The following ANKS1B variants were observed in gnomAD, a reference collection of about 807,000 sequenced individuals.
ANKS1B encodes ankyrin repeat and sterile alpha motif domain-containing protein 1B.
ANKS1B carries 36 observed loss-of-function variants against 148.3 expected under a neutral mutation model. The observed-to-expected ratio is 0.24, with a 90% CI of 0.19 to 0.32. The LOEUF (loss-of-function observed/expected upper bound fraction) is 0.32. Among genes scored for constraint, ANKS1B ranks in the 10% least tolerant of loss-of-function variants. ANKS1B has a pLI of 1.00. For synonymous variants in ANKS1B, 542 were observed against 560.8 expected, an observed-to-expected ratio of 0.97 and a Z score of 0.47; for missense variants, 1,157 against 1,542.6, an observed-to-expected ratio of 0.75 and a Z score of 4.19.
chr12:99,926,639 C>T (rs2094483603), intron 1 of ANKS1B, among the ~76,000 whole-genome samples: 1 of 152,168 alleles, frequency 6.6e-6, no homozygotes, highest in Non-Finnish European at 1.5e-5. Context: ...ACTTGTCAGC[C>T]TCCATAATCA....
At chr12:99,567,958 T>C (rs2097414176) in intron 9 of ANKS1B, among the ~76,000 whole-genome samples, 1 of 152,176 alleles carries the variant, frequency 6.6e-6, no homozygotes, top group Admixed American at 6.5e-5. Context: ...CCTTCCACTG[T>C]GAGGTTTTCA....
intron 22 of ANKS1B, chr12:98,794,721 T>C (rs2098931853): frequency 1.0e-6 from 1 of 964,626 alleles, no homozygotes; most frequent in Non-Finnish European, 1.7e-6. Context: ...AATGAACCTA[T>C]CAAATACCAG....
At chr12:98,865,513 A>T (rs1261249784) in intron 17 of ANKS1B, among the ~76,000 whole-genome samples, 2 of 152,196 alleles carry the variant, frequency 1.3e-5, no homozygotes, top group African/African-American at 4.8e-5. Context: ...TCCTGCCCTC[A>T]TGGAGCTTAT....
At chr12:99,249,616 A>T (rs576384825) in intron 12 of ANKS1B, among the ~76,000 whole-genome samples, 10 of 152,286 alleles carry the variant, frequency 6.6e-5, no homozygotes, top group Middle Eastern at 3.4e-3. Context: ...AGAAAAGGAG[A>T]AGTTGATATG....
intron 9 of ANKS1B, among the ~76,000 whole-genome samples, chr12:99,637,613 C>A (rs1041996549): frequency 6.6e-6 from 1 of 151,960 alleles, no homozygotes; most frequent in Admixed American, 6.6e-5. Context: ...AAAGAATATG[C>A]TGGCTTAGCC....
At chr12:98,990,844 C>T (rs1199618331) in intron 17 of ANKS1B, among the ~76,000 whole-genome samples, 2 of 152,276 alleles carry the variant, frequency 1.3e-5, no homozygotes, top group Middle Eastern at 3.4e-3. Flanking sequence ...GTGACATAAC[C>T]GGTTTGGGAC....
chr12:99,132,120 G>A (rs1211833872), intron 15 of ANKS1B, among the ~76,000 whole-genome samples: 1 of 152,102 alleles, frequency 6.6e-6, no homozygotes, highest in African/African-American at 2.4e-5. Context: ...GAAAATGTTG[G>A]TGGGAAGCAA....
chr12:99,311,083 G>A (rs1268207682), intron 12 of ANKS1B, among the ~76,000 whole-genome samples: 2 of 152,180 alleles, frequency 1.3e-5, no homozygotes, highest in African/African-American at 4.8e-5. Context: ...TTACTGTGTG[G>A]TTGCTGTTGT....
intron 19 of ANKS1B, among the ~76,000 whole-genome samples, chr12:98,817,017 CTT>C (rs2099147136): frequency 6.6e-6 from 1 of 151,690 alleles, no homozygotes; most frequent in South Asian, 2.1e-4. Context: ...GAAAAAAAGA[CTT>C]TTTCTCTGTT....
intron 8 of ANKS1B, among the ~76,000 whole-genome samples, chr12:99,692,101 T>A (rs1288646425): frequency 1.3e-5 from 2 of 152,176 alleles, no homozygotes; most frequent in Non-Finnish European, 2.9e-5. Flanking sequence ...TAATTTTGCT[T>A]GTTAAGTATA....
At chr12:99,470,256 T>C (rs1377305462) in intron 10 of ANKS1B, among the ~76,000 whole-genome samples, 1 of 152,122 alleles carries the variant, frequency 6.6e-6, no homozygotes, top group Non-Finnish European at 1.5e-5. Flanking sequence ...GTATGAGCTA[T>C]GGAAATTATT....
At chr12:99,817,718 G>A (rs1348526348) in intron 2 of ANKS1B, among the ~76,000 whole-genome samples, 1 of 151,782 alleles carries the variant, frequency 6.6e-6, no homozygotes, top group Non-Finnish European at 1.5e-5. Flanking sequence ...TAACTGAGGT[G>A]AGATGATACT....
chr12:99,654,530 A>G (rs997367216), intron 9 of ANKS1B, among the ~76,000 whole-genome samples: 3 of 152,196 alleles, frequency 2.0e-5, no homozygotes, highest in African/African-American at 7.2e-5. Flanking sequence ...TGAAGGTGAT[A>G]CTACAGATTT....
At chr12:99,160,002 T>G (rs2076478968) in intron 14 of ANKS1B, among the ~76,000 whole-genome samples, 1 of 152,220 alleles carries the variant, frequency 6.6e-6, no homozygotes, top group African/African-American at 2.4e-5. Flanking sequence ...TTTCGTATGT[T>G]TGTTGGCCAC....
At chr12:99,093,583 T>A (rs941376921) in intron 15 of ANKS1B, 2 of 152,224 alleles carry the variant, frequency 1.3e-5, no homozygotes, top group South Asian at 4.1e-4. Context: ...GACATTTGTG[T>A]CCCACACTGC....
intron 8 of ANKS1B, among the ~76,000 whole-genome samples, chr12:99,738,894 T>C (rs999063977): frequency 4.6e-5 from 7 of 152,096 alleles, no homozygotes; most frequent in African/African-American, 7.2e-5. Context: ...CCATATTATA[T>C]TGTGGCTTAG....
intron 1 of ANKS1B, among the ~76,000 whole-genome samples, chr12:99,868,780 G>A (rs904979054): frequency 8.5e-5 from 13 of 152,146 alleles, no homozygotes; most frequent in Non-Finnish European, 1.2e-4. Flanking sequence ...GGAAGAGGCC[G>A]GGTGTGGTGG....
intron 17 of ANKS1B, among the ~76,000 whole-genome samples, chr12:98,860,341 T>C (rs992343029): frequency 3.9e-5 from 6 of 152,352 alleles, no homozygotes; most frequent in Admixed American, 3.9e-4. Flanking sequence ...AAAAGTGCTA[T>C]TATTCTGGTT....
At chr12:99,702,592 G>A (rs1379944684) in intron 8 of ANKS1B, among the ~76,000 whole-genome samples, 2 of 151,990 alleles carry the variant, frequency 1.3e-5, no homozygotes, top group African/African-American at 4.8e-5. Flanking sequence ...GCTCAGGCTG[G>A]AGTGTAGTGG....
Sources: allele counts gnomAD v4.1 joint callset (sites outside exome capture counted in the v4.1 genomes callset), GRCh38; gene constraint gnomAD v4.1.1; transcripts MANE v1.5; gene names NCBI Gene and HGNC (gene_info 2026-07-23, HGNC 2026-07-21).